MROH9: variants seen among roughly 807,000 people sequenced by gnomAD.
MROH9 encodes maestro heat like repeat family member 9, also known as maestro heat-like repeat-containing protein family member 9.
In MROH9, 92 loss-of-function variants were observed where a neutral mutation model predicts 98.2. That is an observed-to-expected ratio of 0.94 (90% CI 0.79 to 1.11). The LOEUF is 1.11. Among genes scored for constraint, MROH9 ranks in the 50% most tolerant of loss-of-function variants. The pLI is 0.00. For missense variants in MROH9, 1,057 were observed against 1,014.8 expected (o/e 1.04, Z -0.57); for synonymous variants, 397 against 368.9 (o/e 1.08, Z -0.87).
At chr1:171,028,123 A>G (rs1274412354) in intron 20 of MROH9, among the ~76,000 whole-genome samples, 4 of 152,108 alleles carry the variant, frequency 2.6e-5, no homozygotes, top group African/African-American at 9.7e-5. Context: ...TATGTCCTGA[A>G]TGGTATTGCC....
Position 170,935,982 on chromosome 1 carries a change from C to CAAAA in MROH9, c.-38+418_-38+421dup, listed in dbSNP as rs59883013. ...ACTCCAGCCTGGCAACAGAGTGAGA[C>CAAAA]AAAAAAAAAAAAAAAAAAAAAAAAA... On this transcript the variant is annotated intron_variant, in intron 1 of 21. Transcript: ENST00000367759. Among the ~76,000 whole-genome samples the CAAAA allele has an allele frequency of 3.9e-3, 245 of 62,248 alleles. 1 individual carries two copies. Among genetic ancestry groups the CAAAA allele is most frequent in the African/African-American group, 8.2e-3 (157 of 19,204 alleles). The allele number at this position is 62,248 out of a possible 152,430, so 40.8% of individuals were successfully genotyped here. A position where few individuals can be genotyped will look rare whatever the true frequency, so the allele number is the denominator to read the frequency against.
In MROH9 at chr1:170,999,115, G is replaced by A. The variant is rs569064463; in HGVS notation, c.1596+841G>A. 5.3e-5 allele frequency among the ~76,000 whole-genome samples: 8 copies of A among 152,156 alleles called. No homozygotes were observed. In the East Asian group the frequency reaches 1.5e-3, roughly 29 times the overall value. On this transcript the variant is annotated intron_variant, in intron 15 of 21. Transcript: ENST00000367759. ...TTGAATTGACTATTCTTTGCCCGGT[G>A]TCTATTCTCGGCTTCTTTATCAATC...
intron 5 of MROH9, among the ~76,000 whole-genome samples, chr1:170,961,183 T>C (rs1650004640): frequency 1.3e-5 from 2 of 152,210 alleles, no homozygotes; most frequent in South Asian, 2.1e-4. Flanking sequence ...GAATAAAATA[T>C]ATTCATGTTA....
At chr1:170,991,107 A>G (rs183592427) in intron 11 of MROH9, among the ~76,000 whole-genome samples, 46 of 152,296 alleles carry the variant, frequency 3.0e-4, no homozygotes. Flanking sequence ...CAAGCTAAAA[A>G]TTGCCAATAA....
At position 171,044,972 on chromosome 1, in the gene MROH9, C is replaced by CTTT. The variant is rs754332732; in HGVS notation, c.2282-17115_2282-17113dup. 8.1e-3 allele frequency among the ~76,000 whole-genome samples: 370 copies of CTTT among 45,710 alleles called. 68 individuals are homozygous for CTTT. Among genetic ancestry groups the CTTT allele is most frequent in the Middle Eastern group, 0.012 (1 of 84 alleles). 30.0% of individuals were successfully genotyped at this position (45,710 alleles called of 152,430 possible). ...CAATTCCATTTATTTCTGCTCTGAT[C>CTTT]TTTTTTTTTTTTTTTTTTTTTTTTT... On this transcript the variant is annotated intron_variant, in intron 20 of 21. Coordinates refer to ENST00000367759, the MANE Select transcript of MROH9 (RefSeq NM_001163629.2).
intron 8 of MROH9, among the ~76,000 whole-genome samples, chr1:170,978,572 G>T (rs1650806639): frequency 6.6e-6 from 1 of 152,070 alleles, no homozygotes; most frequent in Non-Finnish European, 1.5e-5. Context: ...ATAGTGACTA[G>T]GCCCTTTGTT....
At chr1:171,032,308 T>A (rs1170390871) in intron 20 of MROH9, among the ~76,000 whole-genome samples, 1 of 152,150 alleles carries the variant, frequency 6.6e-6, no homozygotes, top group Non-Finnish European at 1.5e-5. Context: ...CTCTGTCCAG[T>A]TCTGTGTCCT....
At chr1:171,005,742 T>C (rs1651933169) in intron 15 of MROH9, among the ~76,000 whole-genome samples, 1 of 152,196 alleles carries the variant, frequency 6.6e-6, no homozygotes, top group African/African-American at 2.4e-5. Flanking sequence ...CTTCTTCCTT[T>C]CTGATTTGAA....
intron 20 of MROH9, among the ~76,000 whole-genome samples, chr1:171,041,404 T>TACACACAC (rs1181791185): frequency 6.2e-5 from 2 of 32,400 alleles, no homozygotes; most frequent in Non-Finnish European, 1.6e-4. Context: ...TTGGTCAAGA[T>TACACACAC]ACATACACAC....
chr1:171,022,404 C>T (rs1557901850), intron 17 of MROH9, among the ~76,000 whole-genome samples: 1 of 152,042 alleles, frequency 6.6e-6, no homozygotes, highest in Non-Finnish European at 1.5e-5. Context: ...ACACCGTGGA[C>T]TACTATGCAG....
At chr1:171,054,236 G>A (rs146656909) in intron 20 of MROH9, among the ~76,000 whole-genome samples, 126 of 152,242 alleles carry the variant, frequency 8.3e-4, no homozygotes, top group African/African-American at 2.9e-3. Flanking sequence ...GTAAAATACA[G>A]CCAACTGATG....
chr1:170,981,071 C>T (rs1350636710), intron 8 of MROH9, among the ~76,000 whole-genome samples: 1 of 152,170 alleles, frequency 6.6e-6, no homozygotes, highest in African/African-American at 2.4e-5. Flanking sequence ...AATGAGATAA[C>T]ATCTCATGCC....
At chr1:171,018,814 G>A (rs1253964524) in intron 17 of MROH9, among the ~76,000 whole-genome samples, 2 of 152,158 alleles carry the variant, frequency 1.3e-5, no homozygotes, top group Non-Finnish European at 1.5e-5. Flanking sequence ...AGAGTTTGAA[G>A]ACTATCTTGC....
In MROH9 at chr1:170,996,690, C is replaced by A. The variant is rs114839129; in HGVS notation, c.1475+46C>A. ...GTAGGATTCTTGGTCTCTATCCTAC[C>A]TTCTCCAACTTCCTTCAATAAGCCA... On this transcript the variant is annotated intron_variant, in intron 14 of 21. Transcript: ENST00000367759. 4 of 1,576,404 alleles carry A rather than the reference C, an allele frequency of 2.5e-6. No homozygotes were observed. In the African/African-American group the frequency reaches 5.4e-5, roughly 21 times the overall value.
chr1:171,044,322 C>T (rs1653397350), intron 20 of MROH9, among the ~76,000 whole-genome samples: 1 of 152,142 alleles, frequency 6.6e-6, no homozygotes, highest in South Asian at 2.1e-4. Context: ...CCTACTAAAT[C>T]ATGATGGATG....
At chr1:171,039,205 G>A (rs1354005880) in intron 20 of MROH9, among the ~76,000 whole-genome samples, 3 of 152,112 alleles carry the variant, frequency 2.0e-5, no homozygotes, top group African/African-American at 4.8e-5. Flanking sequence ...TTTCCGTAGA[G>A]CCATTTAATT....
intron 1 of MROH9, among the ~76,000 whole-genome samples, chr1:170,943,140 A>G (rs1649188727): frequency 6.6e-6 from 1 of 152,104 alleles, no homozygotes; most frequent in African/African-American, 2.4e-5. Context: ...TAAAAAAATC[A>G]ATGACAAAAA....
At chr1:170,981,045 T>C (rs1650909951) in intron 8 of MROH9, among the ~76,000 whole-genome samples, 2 of 152,090 alleles carry the variant, frequency 1.3e-5, no homozygotes. Context: ...ATCAGATAAA[T>C]GCAGATTAAA....
intron 14 of MROH9, 73 bp from the exon 15 acceptor site, chr1:170,998,081 A>G (rs1651647523): frequency 1.8e-6 from 2 of 1,140,092 alleles, no homozygotes; most frequent in South Asian, 3.1e-5. Flanking sequence ...TATTAGAATA[A>G]TGATTCTCTC....
Sources: gnomAD v4.1 joint callset for allele counts (sites outside exome capture counted in the v4.1 genomes callset) on GRCh38, gnomAD v4.1.1 for gene constraint, MANE v1.5 for transcripts, NCBI Gene and HGNC (gene_info 2026-07-23, HGNC 2026-07-21) for gene names.